The following RPA2 variants were observed in gnomAD, a reference collection of about 807,000 sequenced individuals.
The protein encoded by RPA2 is replication protein A2.
A neutral mutation model predicts 33.4 loss-of-function variants in RPA2; 22 were observed. The ratio of observed to expected loss-of-function variants is 0.66; its 90% CI spans 0.47 to 0.94. The LOEUF (loss-of-function observed/expected upper bound fraction) is 0.94, where lower values mean the gene tolerates loss of function less well. Among genes scored for constraint, RPA2 ranks in the 40% least tolerant of loss-of-function variants. RPA2 has a pLI of 0.00. For missense variants in RPA2, 279 were observed against 329.9 expected (o/e 0.85, Z 1.19); for synonymous variants, 109 against 114.9 (o/e 0.95, Z 0.33).
intron 2 of RPA2, among the ~76,000 whole-genome samples, chr1:27,909,237 T>C (rs576602965): frequency 6.6e-6 from 1 of 152,306 alleles, no homozygotes; most frequent in African/African-American, 2.4e-5. Context: ...TTGGCCTTCA[T>C]GGATTTAGCA....
chr1:27,900,871 G>A (rs2089959256), intron 4 of RPA2, among the ~76,000 whole-genome samples: 2 of 152,220 alleles, frequency 1.3e-5, no homozygotes, highest in South Asian at 4.1e-4. Flanking sequence ...CACCATGCTG[G>A]CCAGGGTGGT....
At chr1:27,896,051 A>G (rs113851125) in intron 6 of RPA2, among the ~76,000 whole-genome samples, 1 of 149,576 alleles carries the variant, frequency 6.7e-6, no homozygotes, top group African/African-American at 2.4e-5. Context: ...GAGCACCTAT[A>G]TAACTACCTA....
chr1:27,897,655 G>C lies in RPA2; in HGVS notation c.386C>G (p.Ala129Gly), dbSNP rs1273541282. Residue 129 changes from alanine to glycine, a missense_variant, in exon 5 of 9, where the codon GCA becomes GGA. By Grantham distance (60) the Ala-to-Gly change is moderately conservative (BLOSUM62 0). This residue lies in a region of RPA2 where 274 missense variants were observed against 310.3 expected (regional missense o/e 0.88). Coordinates refer to ENST00000373912, the MANE Select transcript of RPA2 (RefSeq NM_002946.5). The part of the protein sequence containing the change: ...VVPPETYVKV[A>G]GHLRSFQNKK... ...TACCTGAAAAGATCTCAGGTGGCCT[G>C]CCACTTTCACATATGTTTCTGGAGG... 1 of 1,601,798 alleles carries C rather than the reference G, an allele frequency of 6.2e-7. No homozygotes were observed. The highest frequency in any genetic ancestry group is 2.3e-5 in the East Asian group (1 of 44,288).
intron 4 of RPA2, among the ~76,000 whole-genome samples, chr1:27,902,030 C>T (rs1254969820): frequency 6.6e-6 from 1 of 151,292 alleles, no homozygotes; most frequent in Non-Finnish European, 1.5e-5. Flanking sequence ...AAAAAAAATA[C>T]ATATATATGG....
At chr1:27,910,715 C>A (rs377385830) in intron 2 of RPA2, among the ~76,000 whole-genome samples, 2 of 151,992 alleles carry the variant, frequency 1.3e-5, no homozygotes. Context: ...TCTTTATCAC[C>A]CAGGGATGGT....
chr1:27,892,510 G>A (rs1003318974), intron 8 of RPA2, among the ~76,000 whole-genome samples: 2 of 152,160 alleles, frequency 1.3e-5, no homozygotes, highest in African/African-American at 4.8e-5. Context: ...AGACAACAGG[G>A]CCTCACTTAA....
rs558933811 is a variant in RPA2 at position 27,914,283 on chromosome 1, C to A, written c.11-114G>T. On this transcript the variant is annotated intron_variant, in intron 1 of 8. Transcript: ENST00000373912. ...CTGCCCGAGTCTCCCTAACCTTCCT[C>A]GCCGCCTTCCTGCGGGTGACCCCCA... is the stretch of plus-strand genomic sequence containing the variant. 100 of 1,600,072 alleles carry A rather than the reference C, an allele frequency of 6.2e-5. 1 individual carries two copies. In the South Asian group the frequency reaches 1.1e-3, roughly 17 times the overall value.
chr1:27,906,323 C>T (rs184999887), intron 4 of RPA2, among the ~76,000 whole-genome samples: 7 of 149,814 alleles, frequency 4.7e-5, no homozygotes, highest in Non-Finnish European at 7.4e-5. Context: ...GCTGAGATTG[C>T]GCCATTGCAC....
At chr1:27,898,279 A>G (rs1012299394) in intron 4 of RPA2, among the ~76,000 whole-genome samples, 6 of 152,254 alleles carry the variant, frequency 3.9e-5, no homozygotes, top group Admixed American at 6.5e-5. Context: ...AGAATATTAA[A>G]AATTTTAAAA....
At chr1:27,913,114 G>A (rs918474953) in intron 2 of RPA2, among the ~76,000 whole-genome samples, 1 of 151,732 alleles carries the variant, frequency 6.6e-6, no homozygotes, top group Non-Finnish European at 1.5e-5. Flanking sequence ...CACCACGCCT[G>A]GCTAATTTTT....
chr1:27,910,384 C>T (rs1346403596), intron 2 of RPA2, among the ~76,000 whole-genome samples: 1 of 152,118 alleles, frequency 6.6e-6, no homozygotes, highest in African/African-American at 2.4e-5. Context: ...TTAACAATGC[C>T]TTCAAATTCA....
chr1:27,902,095 A>G (rs925814576), intron 4 of RPA2, among the ~76,000 whole-genome samples: 2 of 151,760 alleles, frequency 1.3e-5, no homozygotes, highest in African/African-American at 4.8e-5. Flanking sequence ...TGAAAAGACT[A>G]TTTTTTTCTG....
rs6691656 is a variant in RPA2 at position 27,894,619 on chromosome 1, C to T, written c.526-222G>A. 1.1e-3 allele frequency among the ~76,000 whole-genome samples: 160 copies of T among 152,042 alleles called. 1 individual carries two copies. Among genetic ancestry groups the T allele is most frequent in the African/African-American group, 3.4e-3 (142 of 41,474 alleles). On this transcript the variant is annotated intron_variant, in intron 6 of 8. Transcript: ENST00000373912. ...CATAAATATCAAAAAGAGAAAGATA[C>T]TCTTGGCTCCTTTTGTTTGTGATGT...
chr1:27,897,158 G>A (rs1483750029), intron 5 of RPA2, 37 bp from the exon 6 acceptor site: 1 of 1,395,456 alleles, frequency 7.2e-7, no homozygotes, highest in East Asian at 2.3e-5. Context: ...AATAAAATAT[G>A]AACATACATT....
At chr1:27,898,590 G>A (rs1482630195) in intron 4 of RPA2, among the ~76,000 whole-genome samples, 1 of 147,852 alleles carries the variant, frequency 6.8e-6, no homozygotes, top group Non-Finnish European at 1.5e-5. Flanking sequence ...CTGTCACCCA[G>A]ACTGGAGTGG....
intron 2 of RPA2, among the ~76,000 whole-genome samples, chr1:27,907,555 G>T (rs770432057): frequency 1.2e-4 from 18 of 152,158 alleles, no homozygotes; most frequent in Non-Finnish European, 2.6e-4. Context: ...AGGTCAGAGT[G>T]GGGGACAGGA....
intron 2 of RPA2, among the ~76,000 whole-genome samples, chr1:27,910,428 A>G (rs1003990086): frequency 6.6e-6 from 1 of 152,236 alleles, no homozygotes; most frequent in Non-Finnish European, 1.5e-5. Context: ...TATTGAGCAT[A>G]TATTTTATGT....
At chr1:27,913,472 C>T (rs1330869851) in intron 2 of RPA2, among the ~76,000 whole-genome samples, 1 of 151,166 alleles carries the variant, frequency 6.6e-6, no homozygotes, top group Non-Finnish European at 1.5e-5. Context: ...CCTGTAATCC[C>T]AGCTACTCGG....
chr1:27,904,417 A>T (rs962422190), intron 4 of RPA2, among the ~76,000 whole-genome samples: 14 of 152,116 alleles, frequency 9.2e-5, no homozygotes, highest in African/African-American at 2.9e-4. Context: ...TTTTATATGA[A>T]CAAGTAGTAT....
Sources: gnomAD v4.1 joint callset for allele counts (sites outside exome capture counted in the v4.1 genomes callset) on GRCh38, gnomAD v4.1.1 for gene constraint, gnomAD v4.1.1 regional missense constraint, MANE v1.5 for transcripts, NCBI Gene and HGNC (gene_info 2026-07-23, HGNC 2026-07-21) for gene names.